Variants in SLC25A30 observed in about 807,000 individuals in gnomAD.
SLC25A30 encodes the protein kidney mitochondrial carrier protein 1.
In SLC25A30, 29 loss-of-function variants were observed where a neutral mutation model predicts 42.7. The ratio of observed to expected loss-of-function variants is 0.68; its 90% CI spans 0.51 to 0.93. SLC25A30 has a LOEUF of 0.93. Ranked by LOEUF, SLC25A30 falls within the 40% of genes least tolerant of loss-of-function variation. The pLI is 0.00. For synonymous variants in SLC25A30, 124 were observed against 131.0 expected (o/e 0.95, Z 0.37); for missense variants, 300 against 359.7 (o/e 0.83, Z 1.34).
At chr13:45,402,446 AGTCAGTCC>A in intron 5 of SLC25A30, 76 bp from the exon 6 acceptor site, 1 of 1,163,770 alleles carries the variant, frequency 8.6e-7, no homozygotes, top group South Asian at 1.2e-5. Context: ...TACCTCTGAC[AGTCAGTCC>A]GTCAGTCAGT....
upstream of SLC25A30, among the ~76,000 whole-genome samples, chr13:45,419,363 G>C (rs138504007): frequency 0.035 from 5,260 of 151,034 alleles, 126 homozygotes; most frequent in Middle Eastern, 0.079. Context: ...TTGTTGCCCA[G>C]GCTGGAGTGC....
At chr13:45,401,805 A>G (rs1208020680) in intron 6 of SLC25A30, among the ~76,000 whole-genome samples, 3 of 152,206 alleles carry the variant, frequency 2.0e-5, no homozygotes, top group African/African-American at 7.2e-5. Flanking sequence ...CACAACTGTA[A>G]TCCCGGCACT....
chr13:45,414,355 T>C (rs554142421), intron 1 of SLC25A30, among the ~76,000 whole-genome samples: 3 of 152,194 alleles, frequency 2.0e-5, no homozygotes, highest in East Asian at 1.9e-4. Context: ...CAGTGGCTCA[T>C]GTCAGTAATC....
intron 7 of SLC25A30, among the ~76,000 whole-genome samples, chr13:45,400,031 TATACAC>T (rs1452095684): frequency 1.7e-5 from 2 of 116,972 alleles, no homozygotes; most frequent in African/African-American, 3.3e-5. Context: ...TATATATATA[TATACAC>T]ACACACACAC....
chr13:45,424,780 A>G, the SLC25A30 span, among the ~76,000 whole-genome samples: 15 of 63,440 alleles, frequency 2.4e-4, 1 homozygote, highest in African/African-American at 7.8e-4. Flanking sequence ...ATATATATAT[A>G]AATATATAAA....
chr13:45,400,033 T>TACACATAC (rs1881793352), intron 7 of SLC25A30, among the ~76,000 whole-genome samples: 1 of 122,988 alleles, frequency 8.1e-6, no homozygotes, highest in Admixed American at 9.1e-5. Flanking sequence ...TATATATATA[T>TACACATAC]ACACACACAC....
intron 7 of SLC25A30, among the ~76,000 whole-genome samples, chr13:45,400,027 TATATATACACAC>T (rs1363221784): frequency 1.6e-5 from 2 of 124,350 alleles, no homozygotes; most frequent in Admixed American, 8.9e-5. Flanking sequence ...TATATATATA[TATATATACACAC>T]ACACACACAC....
the SLC25A30 span, among the ~76,000 whole-genome samples, chr13:45,433,834 G>A: frequency 6.6e-6 from 1 of 152,270 alleles, no homozygotes; most frequent in Admixed American, 6.5e-5. Context: ...ACACACTACT[G>A]AGACAAACAT....
chr13:45,414,643 C>CAT (rs1484652561), intron 1 of SLC25A30, among the ~76,000 whole-genome samples: 4 of 150,088 alleles, frequency 2.7e-5, no homozygotes, highest in East Asian at 2.0e-4. Flanking sequence ...CATACACACA[C>CAT]ACACACACAC....
intron 5 of SLC25A30, among the ~76,000 whole-genome samples, chr13:45,403,936 CAAA>C (rs34588071): frequency 7.4e-5 from 6 of 80,726 alleles, no homozygotes; most frequent in Non-Finnish European, 5.4e-5. Context: ...GACTCCATCT[CAAA>C]AAAAAAAAAA....
chr13:45,431,124 C>G, the SLC25A30 span, among the ~76,000 whole-genome samples: 1 of 152,014 alleles, frequency 6.6e-6, no homozygotes, highest in East Asian at 1.9e-4. Flanking sequence ...CTTGGCTCAC[C>G]GCAACCTCTG....
chr13:45,397,195 T>C, intron 9 of SLC25A30, 63 bp downstream of exon 9: 5 of 1,094,192 alleles, frequency 4.6e-6, no homozygotes, highest in East Asian at 4.7e-5. Context: ...AACATGAGAG[T>C]TTATACAAAT....
At chr13:45,401,687 A>G (rs1881995847) in intron 6 of SLC25A30, among the ~76,000 whole-genome samples, 1 of 152,106 alleles carries the variant, frequency 6.6e-6, no homozygotes, top group South Asian at 2.1e-4. Flanking sequence ...AAAAAGAGCA[A>G]AAGACCAAAC....
chr13:45,395,126 T>G lies in SLC25A30; in HGVS notation c.*848A>C. ...TTTCCAGTCAAGTAGCAGCAGCTACTATTTGTTCTTCATTTGACCCTCTAC... is the reference window on the plus strand; with the variant it reads ...TTTCCAGTCAAGTAGCAGCAGCTACGATTTGTTCTTCATTTGACCCTCTAC... On this transcript the variant is annotated 3_prime_UTR_variant, in exon 10 of 10. Coordinates refer to ENST00000519676, the MANE Select transcript of SLC25A30 (RefSeq NM_001010875.4). 1.0e-6 allele frequency: 1 copy of G among 985,514 alleles called. No homozygotes were observed. 61.0% of individuals were successfully genotyped at this position (985,514 alleles called of 1,614,324 possible).
chr13:45,396,851 C>A, intron 9 of SLC25A30: 1 of 174,118 alleles, frequency 5.7e-6, no homozygotes, highest in Non-Finnish European at 1.2e-5. Context: ...GCCTGCCAAA[C>A]AATTCCGGAG....
chr13:45,401,262 C>G (rs1881952187), intron 6 of SLC25A30, 55 bp from the exon 7 acceptor site: 6 of 1,575,524 alleles, frequency 3.8e-6, no homozygotes, highest in Non-Finnish European at 5.2e-6. Context: ...GTAGAACAAG[C>G]CTTGCAAATG....
At chr13:45,409,765 C>T (rs768232276) in intron 2 of SLC25A30, among the ~76,000 whole-genome samples, 36 of 152,250 alleles carry the variant, frequency 2.4e-4, no homozygotes, top group Non-Finnish European at 4.4e-4. Context: ...GCCGAGATCA[C>T]GTCACCATAC....
At chr13:45,432,589 G>T in the SLC25A30 span, among the ~76,000 whole-genome samples, 2 of 151,860 alleles carry the variant, frequency 1.3e-5, no homozygotes, top group Middle Eastern at 3.4e-3. Context: ...TTGTCCTGAG[G>T]TTTACACTCA....
chr13:45,425,096 T>TATATATACATATA, the SLC25A30 span, among the ~76,000 whole-genome samples: 43 of 10,354 alleles, frequency 4.2e-3, no homozygotes, highest in African/African-American at 9.3e-3. Context: ...ATAAATATAT[T>TATATATACATATA]TATAAATATA....
Sources: gnomAD v4.1 joint callset for allele counts (sites outside exome capture counted in the v4.1 genomes callset) on GRCh38, gnomAD v4.1.1 for gene constraint, MANE v1.5 for transcripts, NCBI Gene and HGNC (gene_info 2026-07-23, HGNC 2026-07-21) for gene names.